Variants in NTM observed in about 807,000 individuals in gnomAD.
NTM encodes the protein neurotrimin.
NTM carries 13 observed loss-of-function variants against 42.1 expected under a neutral mutation model. The observed-to-expected ratio is 0.31, with a 90% CI of 0.20 to 0.49. NTM has a LOEUF of 0.49. Among genes scored for constraint, NTM ranks in the 20% least tolerant of loss-of-function variants. The pLI, the probability that NTM is intolerant of heterozygous loss-of-function variation, is 0.99. For missense variants in NTM, 373 were observed against 452.8 expected (o/e 0.82, Z 1.60); for synonymous variants, 187 against 179.2 (o/e 1.04, Z -0.35).
At chr11:131,964,631 G>T (rs2062603767) in intron 2 of NTM, among the ~76,000 whole-genome samples, 1 of 152,124 alleles carries the variant, frequency 6.6e-6, no homozygotes, top group Non-Finnish European at 1.5e-5. Flanking sequence ...TTCTTTGATG[G>T]TCTCTCTTCA....
chr11:131,577,091 G>T (rs1352936679), intron 1 of NTM, among the ~76,000 whole-genome samples: 1 of 152,120 alleles, frequency 6.6e-6, no homozygotes, highest in Non-Finnish European at 1.5e-5. Flanking sequence ...CTGATTACTG[G>T]CTGTGTGATC....
chr11:132,328,503 T>C (rs764266937), intron 7 of NTM, among the ~76,000 whole-genome samples: 1 of 152,160 alleles, frequency 6.6e-6, no homozygotes, highest in Non-Finnish European at 1.5e-5. Context: ...TCTTTGTTTA[T>C]AGAAAACCTC....
intron 4 of NTM, among the ~76,000 whole-genome samples, chr11:132,256,877 G>T (rs1328033821): frequency 6.6e-6 from 1 of 152,196 alleles, no homozygotes; most frequent in Non-Finnish European, 1.5e-5. Context: ...CCCACAGACA[G>T]GATGTGTGTG....
intron 3 of NTM, among the ~76,000 whole-genome samples, chr11:132,192,763 A>C (rs1427752789): frequency 6.6e-6 from 1 of 152,208 alleles, no homozygotes; most frequent in African/African-American, 2.4e-5. Flanking sequence ...GATATATCTC[A>C]TGAGTAACAA....
intron 1 of NTM, among the ~76,000 whole-genome samples, chr11:131,571,802 A>G (rs1322569377): frequency 6.6e-6 from 1 of 152,248 alleles, no homozygotes; most frequent in Admixed American, 6.5e-5. Context: ...AAGGCAATAC[A>G]GGACTTGTCC....
chr11:131,425,990 G>A (rs563004761), intron 1 of NTM, among the ~76,000 whole-genome samples: 12 of 152,230 alleles, frequency 7.9e-5, no homozygotes, highest in African/African-American at 1.4e-4. Flanking sequence ...CTCACCAGGC[G>A]AGACATGAGG....
intron 2 of NTM, among the ~76,000 whole-genome samples, chr11:132,077,709 T>A (rs1177877080): frequency 1.3e-5 from 2 of 152,202 alleles, no homozygotes; most frequent in Non-Finnish European, 2.9e-5. Flanking sequence ...ATGTTTTTGA[T>A]TGCTTATAGC....
intron 1 of NTM, among the ~76,000 whole-genome samples, chr11:131,746,765 C>A (rs1356200629): frequency 1.3e-5 from 2 of 151,898 alleles, no homozygotes; most frequent in Non-Finnish European, 2.9e-5. Flanking sequence ...TTTTATAAAA[C>A]TTTGAATTTC....
At chr11:131,919,129 A>T (rs374395757) in intron 2 of NTM, among the ~76,000 whole-genome samples, 17 of 122,746 alleles carry the variant, frequency 1.4e-4, no homozygotes, top group East Asian at 2.6e-4. Flanking sequence ...TTTTTTTTTT[A>T]AATTAGTAAT....
At chr11:131,756,986 A>C (rs899957238) in intron 1 of NTM, among the ~76,000 whole-genome samples, 3 of 152,212 alleles carry the variant, frequency 2.0e-5, no homozygotes, top group Admixed American at 6.5e-5. Context: ...TTGGCTGATG[A>C]TGTGGCTTAG....
At chr11:131,442,381 A>T (rs925634930) in intron 1 of NTM, among the ~76,000 whole-genome samples, 11 of 152,178 alleles carry the variant, frequency 7.2e-5, no homozygotes, top group Non-Finnish European at 1.3e-4. Flanking sequence ...CAGCAATACA[A>T]CAGAGGGGAC....
intron 1 of NTM, among the ~76,000 whole-genome samples, chr11:131,610,201 G>A (rs1275622195): frequency 6.6e-6 from 1 of 152,202 alleles, no homozygotes; most frequent in Non-Finnish European, 1.5e-5. Context: ...AACAAAACTA[G>A]GGACTCCAGC....
rs147242982 is a variant in NTM, at chr11:132,077,529, C to T, written c.168-68753C>T. Among the ~76,000 whole-genome samples, 9 of 152,266 alleles carry T rather than the reference C, an allele frequency of 5.9e-5. No individual in the cohort carries two copies. In the East Asian group the frequency reaches 1.7e-3, roughly 29 times the overall value. On this transcript the variant is annotated intron_variant, in intron 2 of 8. Coordinates refer to ENST00000683400, the MANE Select transcript of NTM (RefSeq NM_001352005.2). ...TCAACCCCCACTATCTAACCCCCAT[C>T]ACAACCTTCAAAGGAGTAAAATTCT...
At chr11:131,938,439 G>A (rs2059456452) in intron 2 of NTM, among the ~76,000 whole-genome samples, 1 of 152,232 alleles carries the variant, frequency 6.6e-6, no homozygotes, top group South Asian at 2.1e-4. Context: ...CACTGGGGCT[G>A]ATCACAGTGC....
At chr11:131,550,188 G>A (rs922915127) in intron 1 of NTM, among the ~76,000 whole-genome samples, 7 of 152,242 alleles carry the variant, frequency 4.6e-5, no homozygotes, top group South Asian at 2.1e-4. Flanking sequence ...AACACCTTAC[G>A]TGAAATGTGT....
rs148337667 is a variant in NTM, at chr11:131,623,638, C to T, written c.82+252750C>T. Among the ~76,000 whole-genome samples, 468 of 152,300 alleles carry T rather than the reference C, an allele frequency of 3.1e-3. 3 individuals are homozygous for T. The highest frequency in any genetic ancestry group is 0.011 in the African/African-American group (438 of 41,570). ...GATGGGTTAGGCCTCTCTATAGGGA[C>T]GCGGATGGAGGACACTTGCAGTGCG... is the stretch of plus-strand genomic sequence containing the variant. On this transcript the variant is annotated intron_variant, in intron 1 of 8. Coordinates refer to ENST00000683400, the MANE Select transcript of NTM (RefSeq NM_001352005.2).
intron 2 of NTM, among the ~76,000 whole-genome samples, chr11:132,022,920 T>G (rs1489010088): frequency 1.3e-5 from 2 of 152,214 alleles, no homozygotes; most frequent in Non-Finnish European, 2.9e-5. Context: ...CCCGGTTTTC[T>G]TCTATCCTTC....
At chr11:131,823,919 G>C (rs2093291826) in intron 1 of NTM, among the ~76,000 whole-genome samples, 1 of 152,210 alleles carries the variant, frequency 6.6e-6, no homozygotes, top group Admixed American at 6.5e-5. Flanking sequence ...GCATGGAATA[G>C]TTCCCAGTTT....
intron 2 of NTM, among the ~76,000 whole-genome samples, chr11:131,979,634 G>T (rs577491551): frequency 4.6e-5 from 7 of 152,300 alleles, no homozygotes; most frequent in Admixed American, 4.6e-4. Context: ...CCAATAAGGG[G>T]TTATTGTTTG....
Sources: gnomAD v4.1 joint callset for allele counts (sites outside exome capture counted in the v4.1 genomes callset) on GRCh38, gnomAD v4.1.1 for gene constraint, MANE v1.5 for transcripts, NCBI Gene and HGNC (gene_info 2026-07-23, HGNC 2026-07-21) for gene names.